Variants in DLG2 observed in about 807,000 individuals in gnomAD.
DLG2 encodes the protein disks large homolog 2.
A neutral mutation model predicts 132.5 loss-of-function variants in DLG2; 45 were observed. The ratio of observed to expected loss-of-function variants is 0.34; its 90% CI spans 0.27 to 0.44. The LOEUF is 0.44. Among genes scored for constraint, DLG2 ranks in the 20% least tolerant of loss-of-function variants. The pLI is 1.00. For synonymous variants in DLG2, 424 were observed against 419.6 expected, an observed-to-expected ratio of 1.01 and a Z score of -0.13; for missense variants, 1,045 against 1,196.9, an observed-to-expected ratio of 0.87 and a Z score of 1.87.
At chr11:85,345,034 A>G (rs2082735168) in intron 3 of DLG2, among the ~76,000 whole-genome samples, 1 of 152,100 alleles carries the variant, frequency 6.6e-6, no homozygotes, top group Non-Finnish European at 1.5e-5. Flanking sequence ...GTTGGTTTCT[A>G]TACTCCAGAA....
intron 11 of DLG2, among the ~76,000 whole-genome samples, chr11:83,996,134 A>C (rs34050980): frequency 6.6e-6 from 1 of 152,172 alleles, no homozygotes; most frequent in East Asian, 1.9e-4. Context: ...AAGAAAAAAA[A>C]CAATAATATG....
chr11:85,608,765 C>T (rs897572064), intron 2 of DLG2, among the ~76,000 whole-genome samples: 2 of 152,162 alleles, frequency 1.3e-5, no homozygotes, highest in Non-Finnish European at 2.9e-5. Context: ...CAGATCAAGG[C>T]AGACCTGGTG....
intron 6 of DLG2, among the ~76,000 whole-genome samples, chr11:84,642,100 TGTGTGTGTATATGTAGA>T (rs754669471): frequency 2.2e-5 from 3 of 137,106 alleles, no homozygotes; most frequent in Non-Finnish European, 4.7e-5. Context: ...AGAGTGTGTG[TGTGTGTGTATATGTAGA>T]GTGTGTGTGT....
intron 3 of DLG2, among the ~76,000 whole-genome samples, chr11:85,385,341 C>A (rs1421036345): frequency 6.6e-6 from 1 of 152,072 alleles, no homozygotes; most frequent in Non-Finnish European, 1.5e-5. Context: ...GTCAGCTCTT[C>A]GTGGAAGGGT....
In DLG2 at chr11:84,003,900, C is replaced by T. The variant is rs891814075; in HGVS notation, c.920-23258G>A. Among the ~76,000 whole-genome samples the T allele has an allele frequency of 1.3e-4, 20 of 152,102 alleles. No individual in the cohort carries two copies. In the East Asian group the frequency reaches 2.3e-3, roughly 18 times the overall value. On this transcript the variant is annotated intron_variant, in intron 11 of 27. Transcript: ENST00000376104. ...CTTCCAAGGTTTAGTCAGGAAGATA[C>T]GGAAAACCTGAACAGACCAATATTA...
chr11:84,385,554 A>G (rs1268998494), intron 7 of DLG2, among the ~76,000 whole-genome samples: 2 of 152,118 alleles, frequency 1.3e-5, no homozygotes, highest in African/African-American at 4.8e-5. Flanking sequence ...AATAAATAGT[A>G]TGCATAAGGT....
At chr11:84,734,449 G>T (rs1011662103) in intron 6 of DLG2, among the ~76,000 whole-genome samples, 3 of 152,048 alleles carry the variant, frequency 2.0e-5, no homozygotes, top group Non-Finnish European at 2.9e-5. Flanking sequence ...GTCTGTTATT[G>T]GTGTATAAGA....
chr11:83,973,818 A>T (rs1008859484), intron 12 of DLG2, among the ~76,000 whole-genome samples: 3 of 152,130 alleles, frequency 2.0e-5, no homozygotes, highest in African/African-American at 7.2e-5. Context: ...TTGAGATTCA[A>T]ATGTGTAACC....
intron 8 of DLG2, among the ~76,000 whole-genome samples, chr11:84,169,370 G>C (rs148918171): frequency 0.025 from 3,824 of 152,052 alleles, 172 homozygotes; most frequent in Non-Finnish European, 0.025. Context: ...AATCTATAAG[G>C]GTCACAAAAT....
chr11:84,381,308 GAAAAATTTCACACTTAAA>G (rs146645161), intron 7 of DLG2, among the ~76,000 whole-genome samples: 33,400 of 151,950 alleles, frequency 0.22, 5,121 homozygotes, highest in African/African-American at 0.43. Context: ...ACCAAGAGGT[GAAAAATTTCACACTTAAA>G]CATTTCTGTA....
intron 8 of DLG2, among the ~76,000 whole-genome samples, chr11:84,204,108 C>A (rs1281633895): frequency 1.3e-5 from 2 of 152,082 alleles, no homozygotes; most frequent in East Asian, 3.9e-4. Flanking sequence ...CAGGTGCCCA[C>A]CACCATGCCC....
intron 6 of DLG2, among the ~76,000 whole-genome samples, chr11:84,768,145 G>A (rs772926838): frequency 3.3e-5 from 5 of 152,014 alleles, no homozygotes; most frequent in Admixed American, 2.0e-4. Flanking sequence ...AACTTTCAAC[G>A]TATATTTATA....
At chr11:84,438,973 TCAACAA>T (rs368618810) in intron 7 of DLG2, among the ~76,000 whole-genome samples, 1 of 152,024 alleles carries the variant, frequency 6.6e-6, no homozygotes, top group African/African-American at 2.4e-5. Context: ...ATCTGTGGAA[TCAACAA>T]CAACAACAAC....
At chr11:83,722,954 T>A (rs1295527101) in intron 18 of DLG2, among the ~76,000 whole-genome samples, 2 of 152,322 alleles carry the variant, frequency 1.3e-5, no homozygotes, top group Non-Finnish European at 2.9e-5. Flanking sequence ...ATAAAACATT[T>A]AAAAAATTTT....
intron 6 of DLG2, among the ~76,000 whole-genome samples, chr11:84,778,362 C>T (rs1007211247): frequency 6.6e-6 from 1 of 152,014 alleles, no homozygotes; most frequent in South Asian, 2.1e-4. Flanking sequence ...TTATTATAGC[C>T]TTGGAATATA....
chr11:84,720,488 G>A (rs1435037697), intron 6 of DLG2: 4 of 985,064 alleles, frequency 4.1e-6, no homozygotes, highest in Non-Finnish European at 4.8e-6. Flanking sequence ...CCGAGCTGCC[G>A]CTTCGATCAC....
chr11:85,040,928 T>A (rs1350183034), intron 6 of DLG2, among the ~76,000 whole-genome samples: 1 of 151,810 alleles, frequency 6.6e-6, no homozygotes, highest in Non-Finnish European at 1.5e-5. Flanking sequence ...AACGATTTTT[T>A]AAAAAATTAC....
chr11:85,501,728 C>A (rs2093808998), intron 3 of DLG2, among the ~76,000 whole-genome samples: 1 of 152,052 alleles, frequency 6.6e-6, no homozygotes, highest in Admixed American at 6.6e-5. Context: ...GATACCATCT[C>A]ACACCAGTCA....
At position 84,773,178 on chromosome 11, in the gene DLG2, A is replaced by G. The variant is rs993171022; in HGVS notation, c.358-238447T>C. On this transcript the variant is annotated intron_variant, in intron 6 of 27. Coordinates refer to ENST00000376104, the MANE Select transcript of DLG2 (RefSeq NM_001142699.3). ...TCCATGAACAAAAACTAGAAAATCT[A>G]AAGGAAATGGATAAATTCTTGGAAA... 4.7e-4 allele frequency among the ~76,000 whole-genome samples: 71 copies of G among 152,194 alleles called. 1 individual carries two copies. The highest frequency in any genetic ancestry group is 1.7e-3 in the African/African-American group (70 of 41,448).
Sources: gnomAD v4.1 joint callset for allele counts (sites outside exome capture counted in the v4.1 genomes callset) on GRCh38, gnomAD v4.1.1 for gene constraint, MANE v1.5 for transcripts, NCBI Gene and HGNC (gene_info 2026-07-23, HGNC 2026-07-21) for gene names.